The following CDCA7L variants were observed in gnomAD, a reference collection of about 807,000 sequenced individuals.
CDCA7L encodes cell division cycle-associated 7-like protein.
CDCA7L carries 44 observed loss-of-function variants against 57.4 expected under a neutral mutation model. The ratio of observed to expected loss-of-function variants is 0.77; its 90% confidence interval spans 0.60 to 0.98. The LOEUF (loss-of-function observed/expected upper bound fraction) is 0.98. Among genes scored for constraint, CDCA7L ranks in the 50% least tolerant of loss-of-function variants. CDCA7L has a pLI of 0.00. For missense variants in CDCA7L, 644 were observed against 580.6 expected, an observed-to-expected ratio of 1.11 and a Z score of -1.12; for synonymous variants, 236 against 202.8, an observed-to-expected ratio of 1.16 and a Z score of -1.39.
intron 1 of CDCA7L, among the ~76,000 whole-genome samples, chr7:21,934,708 G>A (rs1156865736): frequency 1.3e-5 from 2 of 152,012 alleles, no homozygotes; most frequent in African/African-American, 4.8e-5. Flanking sequence ...ACACCAATAG[G>A]TTAAAAGTAA....
intron 1 of CDCA7L, among the ~76,000 whole-genome samples, chr7:21,921,354 A>AAAAC (rs1785646085): frequency 6.6e-6 from 1 of 151,768 alleles, no homozygotes; most frequent in Non-Finnish European, 1.5e-5. Flanking sequence ...AAAAAAAAAA[A>AAAAC]AAAACTGTAA....
chr7:21,906,991 C>T lies in CDCA7L; in HGVS notation c.682-352G>A, dbSNP rs763403744. Among the ~76,000 whole-genome samples the T allele has an allele frequency of 3.9e-5, 6 of 152,082 alleles. No individual in the cohort carries two copies. The South Asian group carries it at 8.3e-4, about 21-fold the overall frequency. On this transcript the variant is annotated intron_variant, in intron 4 of 9. Coordinates refer to ENST00000406877, the MANE Select transcript of CDCA7L (RefSeq NM_018719.5). ...ACCCTGGGACAATTCATTTTGCACACGTGAGTCTCAAGTTTCAGGATGTTC... is the reference window on the plus strand; with the variant it reads ...ACCCTGGGACAATTCATTTTGCACATGTGAGTCTCAAGTTTCAGGATGTTC...
At chr7:21,927,973 A>G (rs1220415284) in intron 1 of CDCA7L, among the ~76,000 whole-genome samples, 1 of 152,234 alleles carries the variant, frequency 6.6e-6, no homozygotes, top group Non-Finnish European at 1.5e-5. Flanking sequence ...GCTAAGGGAC[A>G]GACTTGCCTT....
intron 1 of CDCA7L, among the ~76,000 whole-genome samples, chr7:21,934,324 G>A (rs934416026): frequency 3.9e-5 from 6 of 152,086 alleles, no homozygotes; most frequent in South Asian, 2.1e-4. Context: ...TTTGTATGTC[G>A]CTGAAGTGAA....
At chr7:21,935,710 CATAA>C (rs1045386600) in intron 1 of CDCA7L, among the ~76,000 whole-genome samples, 1 of 152,112 alleles carries the variant, frequency 6.6e-6, no homozygotes, top group African/African-American at 2.4e-5. Flanking sequence ...ACCAATTTTA[CATAA>C]ATAAAAAGGA....
At chr7:21,932,313 T>C (rs1241616283) in intron 1 of CDCA7L, among the ~76,000 whole-genome samples, 1 of 152,202 alleles carries the variant, frequency 6.6e-6, no homozygotes, top group Non-Finnish European at 1.5e-5. Flanking sequence ...TTAAATTTCA[T>C]GTGGAACCAA....
intron 9 of CDCA7L, 88 bp from the exon 10 acceptor site, chr7:21,902,440 G>C (rs979246701): frequency 1.5e-6 from 2 of 1,304,892 alleles, no homozygotes; most frequent in South Asian, 2.4e-5. Context: ...TCATCTAAGA[G>C]TACAAAGCCA....
chr7:21,927,745 G>T (rs993777665), intron 1 of CDCA7L, among the ~76,000 whole-genome samples: 2 of 152,164 alleles, frequency 1.3e-5, no homozygotes, highest in African/African-American at 4.8e-5. Context: ...AATATTAAAA[G>T]CCTAAAGACA....
At chr7:21,927,372 A>C (rs1256086423) in intron 1 of CDCA7L, among the ~76,000 whole-genome samples, 3 of 152,344 alleles carry the variant, frequency 2.0e-5, no homozygotes, top group East Asian at 1.9e-4. Context: ...AGAATGACCA[A>C]GTTGAAAATT....
Position 21,902,061 on chromosome 7 carries a change from T to TTTTAATAACTGGCAGATA in CDCA7L, c.*243_*260dup, listed in dbSNP as rs1362593197. On this transcript the variant is annotated 3_prime_UTR_variant, in exon 10 of 10. Transcript: ENST00000406877. ...AACCCCACCCCATTTAAACTGTGCT[T>TTTTAATAACTGGCAGATA]TTTAATAACTGGCAGATATTTTTAA... 6 of 487,604 alleles carry TTTTAATAACTGGCAGATA rather than the reference T, an allele frequency of 1.2e-5. No individual in the cohort carries two copies. The highest frequency in any genetic ancestry group is 2.2e-5 in the Non-Finnish European group (6 of 271,062). The allele number at this position is 487,604 out of a possible 1,614,324, so 30.2% of individuals were successfully genotyped here. A position where few individuals can be genotyped will look rare whatever the true frequency, so the allele number is the denominator to read the frequency against.
intron 1 of CDCA7L, among the ~76,000 whole-genome samples, chr7:21,919,908 A>G (rs1338800505): frequency 6.6e-6 from 1 of 152,212 alleles, no homozygotes; most frequent in African/African-American, 2.4e-5. Context: ...CCAGATGATC[A>G]TTGTACATGG....
At position 21,905,560 on chromosome 7, in the gene CDCA7L, C is replaced by G. The variant is rs189760165; in HGVS notation, c.993G>C (p.Glu331Asp). ...SFRPVEDITE[E>D]DLENVAITVR... ...CAGTTATGGCAACATTTTCTAAGTC[C>G]TCTTCGGTGATATCCTCCACTGGCC... Residue 331 changes from glutamate to aspartate, a missense_variant, in exon 7 of 10, where the codon GAG (glutamate) becomes GAC (aspartate). Coordinates refer to ENST00000406877, the MANE Select transcript of CDCA7L (RefSeq NM_018719.5). 6.1e-5 allele frequency: 99 copies of G among 1,614,074 alleles called. No homozygotes were observed. The highest frequency in any genetic ancestry group is 7.4e-5 in the Non-Finnish European group (87 of 1,179,998).
chr7:21,943,565 T>C (rs967010426), intron 1 of CDCA7L, among the ~76,000 whole-genome samples: 3 of 152,236 alleles, frequency 2.0e-5, no homozygotes, highest in Admixed American at 6.5e-5. Flanking sequence ...AAATGTTCAT[T>C]AAGTGTTCTT....
Position 21,901,380 on chromosome 7 carries a change from G to C in CDCA7L, c.*942C>G. The C allele has an allele frequency of 1.5e-6, 2 of 1,298,462 alleles. No homozygotes were observed. The highest frequency in any genetic ancestry group is 2.0e-6 in the Non-Finnish European group (2 of 1,000,104). 80.4% of individuals were successfully genotyped at this position (1,298,462 alleles called of 1,614,324 possible). ...CTCACACGTGCATTCTTTTTTCAAC[G>C]CTATCCTTAGAGTGAAAGTCAGAAA... On this transcript the variant is annotated 3_prime_UTR_variant, in exon 10 of 10. Transcript: ENST00000406877.
chr7:21,930,231 G>A (rs113145513), intron 1 of CDCA7L, among the ~76,000 whole-genome samples: 22,502 of 152,116 alleles, frequency 0.15, 1,995 homozygotes, highest in Non-Finnish European at 0.21. Context: ...GGTAACTAAC[G>A]AAATCAAGAC....
chr7:21,945,638 C>T lies in CDCA7L; in HGVS notation c.24+143G>A. 9 of 1,012,306 alleles carry T rather than the reference C, an allele frequency of 8.9e-6. No homozygotes were observed. The South Asian group carries it at 1.1e-4, about 12-fold the overall frequency. The allele number at this position is 1,012,306 out of a possible 1,614,324, so 62.7% of individuals were successfully genotyped here. ...GCACACCTGCAGGGCGCGCCCACTC[C>T]GGCACTCAACCGGCTGGGCGCGCCA... On this transcript the variant is annotated intron_variant, in intron 1 of 9. Transcript: ENST00000406877.
intron 3 of CDCA7L, among the ~76,000 whole-genome samples, chr7:21,909,222 T>C (rs1433377333): frequency 1.3e-5 from 2 of 152,048 alleles, no homozygotes. Context: ...GAGAACACAG[T>C]AAATATGGAA....
chr7:21,943,123 A>G (rs558371820), intron 1 of CDCA7L, among the ~76,000 whole-genome samples: 1 of 152,298 alleles, frequency 6.6e-6, no homozygotes, highest in South Asian at 2.1e-4. Context: ...GACAGCTCTT[A>G]GTCAGGGATC....
At chr7:21,923,112 C>T (rs983664474) in intron 1 of CDCA7L, among the ~76,000 whole-genome samples, 15 of 152,178 alleles carry the variant, frequency 9.9e-5, no homozygotes, top group African/African-American at 3.6e-4. Flanking sequence ...CTGAACCATA[C>T]ATTTTAAAAT....
Sources: allele counts gnomAD v4.1 joint callset (sites outside exome capture counted in the v4.1 genomes callset), GRCh38; gene constraint gnomAD v4.1.1; transcripts MANE v1.5; gene names NCBI Gene and HGNC (gene_info 2026-07-23, HGNC 2026-07-21).